LHFPL3: variants seen among roughly 807,000 people sequenced by gnomAD.
The protein encoded by LHFPL3 is LHFPL tetraspan subfamily member 3.
Under a neutral mutation model 19.3 loss-of-function variants are expected in LHFPL3, and 5 were observed. That is an observed-to-expected ratio of 0.26 (90% CI 0.14 to 0.54). The LOEUF (loss-of-function observed/expected upper bound fraction) is 0.54, where lower values mean the gene tolerates loss of function less well. Ranked by LOEUF, LHFPL3 falls within the 20% of genes least tolerant of loss-of-function variation. The probability of loss-of-function intolerance (pLI) is 0.94; values close to 1 mark genes in which losing one functional copy is unlikely to be tolerated. For missense variants in LHFPL3, 249 were observed against 307.4 expected, an observed-to-expected ratio of 0.81 and a Z score of 1.42; for synonymous variants, 133 against 126.2, an observed-to-expected ratio of 1.05 and a Z score of -0.36.
At chr7:104,837,155 C>T (rs1248034505) in intron 2 of LHFPL3, among the ~76,000 whole-genome samples, 1 of 152,194 alleles carries the variant, frequency 6.6e-6, no homozygotes, top group Non-Finnish European at 1.5e-5. Context: ...GTCTACTTGT[C>T]TCTAAAGGAA....
chr7:104,774,619 A>C (rs1021571556), intron 2 of LHFPL3, among the ~76,000 whole-genome samples: 1 of 152,242 alleles, frequency 6.6e-6, no homozygotes, highest in African/African-American at 2.4e-5. Context: ...GCCTCTAAGC[A>C]AAAACTTATC....
At chr7:104,435,511 TA>T (rs1792086151) in intron 1 of LHFPL3, among the ~76,000 whole-genome samples, 1 of 150,972 alleles carries the variant, frequency 6.6e-6, no homozygotes, top group Admixed American at 6.6e-5. Context: ...AAATATTTTT[TA>T]TAAAAAAAGT....
At chr7:104,474,912 T>C (rs1792982043) in intron 1 of LHFPL3, among the ~76,000 whole-genome samples, 1 of 152,112 alleles carries the variant, frequency 6.6e-6, no homozygotes. Context: ...AGCACAAGCA[T>C]GTAAAACTAG....
intron 1 of LHFPL3, among the ~76,000 whole-genome samples, chr7:104,338,824 A>G (rs557759620): frequency 1.3e-5 from 2 of 152,352 alleles, no homozygotes; most frequent in African/African-American, 4.8e-5. Flanking sequence ...ACCTCTGAGA[A>G]ACAATATAGC....
intron 1 of LHFPL3, among the ~76,000 whole-genome samples, chr7:104,469,010 A>G (rs760108153): frequency 3.3e-5 from 5 of 152,058 alleles, no homozygotes; most frequent in Non-Finnish European, 7.4e-5. Flanking sequence ...TGGGGAAGAG[A>G]GCTTTGATTC....
intron 2 of LHFPL3, among the ~76,000 whole-genome samples, chr7:104,839,527 G>C (rs1791156424): frequency 6.6e-6 from 1 of 152,006 alleles, no homozygotes; most frequent in East Asian, 1.9e-4. Context: ...AAATTAACCA[G>C]GCAAGGTGGC....
chr7:104,592,415 A>C (rs1360686448), intron 1 of LHFPL3, among the ~76,000 whole-genome samples: 1 of 151,356 alleles, frequency 6.6e-6, no homozygotes, highest in Non-Finnish European at 1.5e-5. Flanking sequence ...CCTGGGTATC[A>C]CCAGCGGAGG....
chr7:104,607,808 AC>A (rs1231284770), intron 1 of LHFPL3, among the ~76,000 whole-genome samples: 2 of 152,216 alleles, frequency 1.3e-5, no homozygotes, highest in African/African-American at 4.8e-5. Flanking sequence ...CAAGAAAAAA[AC>A]AACCCCATTA....
chr7:104,551,905 T>A (rs757661103), intron 1 of LHFPL3, among the ~76,000 whole-genome samples: 1 of 152,156 alleles, frequency 6.6e-6, no homozygotes, highest in Non-Finnish European at 1.5e-5. Flanking sequence ...ATTTACTTGT[T>A]TCATGGTGTG....
At chr7:104,660,042 C>A (rs1792196250) in intron 1 of LHFPL3, among the ~76,000 whole-genome samples, 1 of 148,896 alleles carries the variant, frequency 6.7e-6, no homozygotes, top group Non-Finnish European at 1.5e-5. Flanking sequence ...CACTCTGTTG[C>A]CCAGGCTGGA....
At chr7:104,673,820 T>G (rs533878799) in intron 1 of LHFPL3, among the ~76,000 whole-genome samples, 5 of 152,348 alleles carry the variant, frequency 3.3e-5, no homozygotes, top group African/African-American at 1.2e-4. Flanking sequence ...TGTTTTGAAG[T>G]TAGAGTCTTA....
chr7:104,740,019 G>A (rs1793903182), intron 2 of LHFPL3, among the ~76,000 whole-genome samples: 1 of 152,146 alleles, frequency 6.6e-6, no homozygotes, highest in South Asian at 2.1e-4. Context: ...GATCATGGAG[G>A]TGGCTCCCCC....
chr7:104,906,962 A>T lies in LHFPL3; in HGVS notation c.*747A>T, dbSNP rs1313106543. 1 of 152,624 alleles carries T rather than the reference A, an allele frequency of 6.6e-6. No homozygotes were observed. Among genetic ancestry groups the T allele is most frequent in the African/African-American group, 2.4e-5 (1 of 41,456 alleles). 9.5% of individuals were successfully genotyped at this position (152,624 alleles called of 1,614,324 possible). On this transcript the variant is annotated 3_prime_UTR_variant, in exon 3 of 3. Transcript: ENST00000424859. ...TACATCTTTACATCATAGGTTCCCA[A>T]GCAACATAGATTTCCCTATCTTTCA...
At chr7:104,889,628 A>G (rs562064756) in intron 2 of LHFPL3, among the ~76,000 whole-genome samples, 1 of 152,324 alleles carries the variant, frequency 6.6e-6, no homozygotes, top group South Asian at 2.1e-4. Context: ...TGACAGAGCA[A>G]GACTCTGTCT....
intron 1 of LHFPL3, among the ~76,000 whole-genome samples, chr7:104,482,132 A>G (rs1014884608): frequency 3.9e-5 from 6 of 152,174 alleles, no homozygotes; most frequent in Admixed American, 6.5e-5. Flanking sequence ...CCTCAAGGTG[A>G]AATAACTCTG....
At chr7:104,632,230 C>T (rs751699740) in intron 1 of LHFPL3, among the ~76,000 whole-genome samples, 9 of 152,138 alleles carry the variant, frequency 5.9e-5, no homozygotes, top group Non-Finnish European at 4.4e-5. Context: ...CCTCTAGAAT[C>T]GCTTTGTATA....
chr7:104,824,585 AT>A (rs1790774958), intron 2 of LHFPL3, among the ~76,000 whole-genome samples: 2 of 67,040 alleles, frequency 3.0e-5, no homozygotes, highest in African/African-American at 5.5e-5. Flanking sequence ...TATATATAAT[AT>A]ATATAATTAT....
At chr7:104,719,734 C>T (rs1793452571) in intron 1 of LHFPL3, among the ~76,000 whole-genome samples, 1 of 152,034 alleles carries the variant, frequency 6.6e-6, no homozygotes, top group South Asian at 2.1e-4. Context: ...GTGCTAAAAC[C>T]AATATTCGAA....
chr7:104,494,941 C>T (rs930470879), intron 1 of LHFPL3, among the ~76,000 whole-genome samples: 7 of 152,278 alleles, frequency 4.6e-5, no homozygotes, highest in African/African-American at 1.7e-4. Context: ...CTCTTCTGAT[C>T]CGACCATCCA....
Sources: gnomAD v4.1 joint callset for allele counts (sites outside exome capture counted in the v4.1 genomes callset) on GRCh38, gnomAD v4.1.1 for gene constraint, MANE v1.5 for transcripts, NCBI Gene and HGNC (gene_info 2026-07-23, HGNC 2026-07-21) for gene names.